The following POLR1D variants were observed in gnomAD, a reference collection of about 807,000 sequenced individuals.
POLR1D encodes RNA polymerase I and III subunit D.
POLR1D carries 8 observed loss-of-function variants against 10.8 expected under a neutral mutation model. The observed-to-expected ratio is 0.74, with a 90% CI of 0.43 to 1.33. The LOEUF is 1.33. Ranked by LOEUF, POLR1D falls within the 40% of genes most tolerant of loss-of-function variation. POLR1D has a pLI of 0.01. For synonymous variants in POLR1D, 54 were observed against 57.2 expected (o/e 0.94, Z 0.25); for missense variants, 152 against 161.7 (o/e 0.94, Z 0.32).
Position 27,663,170 on chromosome 13 carries a change from A to G in POLR1D, c.102-2516A>G, listed in dbSNP as rs1956381214. 6.6e-6 allele frequency among the ~76,000 whole-genome samples: 1 copy of G among 152,188 alleles called. No homozygotes were observed. ...ATTTCTTTATATAAAATGATTTACT[A>G]TATGTACCTTCACATCTGCTTGCAA... On this transcript the variant is annotated intron_variant, in intron 2 of 2. Coordinates refer to the POLR1D transcript ENST00000399697. The surrounding 1 kb of genome is among the most constrained non-coding windows in gnomAD (Gnocchi z 4.1).
exon 3 of POLR1D, chr13:27,666,021 G>A: frequency 1.4e-6 from 2 of 1,422,110 alleles, no homozygotes; most frequent in South Asian, 1.2e-5. Flanking sequence ...TGCGGAGAAG[G>A]CCTGAGCTGG....
downstream of POLR1D, among the ~76,000 whole-genome samples, chr13:27,626,551 A>C (rs1292843928): frequency 6.6e-6 from 1 of 152,204 alleles, no homozygotes; most frequent in Non-Finnish European, 1.5e-5. Flanking sequence ...ACCTGAGGGA[A>C]AGCTGAGTTG....
intron 2 of POLR1D, among the ~76,000 whole-genome samples, chr13:27,652,513 T>G (rs899390091): frequency 6.6e-6 from 1 of 152,180 alleles, no homozygotes; most frequent in Non-Finnish European, 1.5e-5. Flanking sequence ...TAGTCTAATA[T>G]AGTAACAGAC....
At chr13:27,624,493 A>G (rs1054586354), downstream of POLR1D, among the ~76,000 whole-genome samples, 1 of 152,196 alleles carries the variant, frequency 6.6e-6, no homozygotes, top group African/African-American at 2.4e-5. Flanking sequence ...TTAAAGAGAT[A>G]TCCATATTTT....
At chr13:27,656,168 A>G (rs1451675664) in intron 2 of POLR1D, among the ~76,000 whole-genome samples, 2 of 152,230 alleles carry the variant, frequency 1.3e-5, no homozygotes, top group Non-Finnish European at 2.9e-5. Context: ...CAACCATGTC[A>G]TAATAATAGT....
upstream of POLR1D, chr13:27,621,739 C>T: frequency 6.0e-6 from 2 of 331,822 alleles, no homozygotes; most frequent in Non-Finnish European, 1.1e-5. Context: ...GCGTGGTCGC[C>T]CAGGTGAGCC....
intron 2 of POLR1D, among the ~76,000 whole-genome samples, chr13:27,656,560 A>C (rs997596771): frequency 6.6e-6 from 1 of 152,188 alleles, no homozygotes; most frequent in Non-Finnish European, 1.5e-5. Context: ...TTCCTCTTAA[A>C]TAGCACTTAA....
chr13:27,649,577 A>T (rs1444574403), intron 2 of POLR1D, among the ~76,000 whole-genome samples: 2 of 152,232 alleles, frequency 1.3e-5, no homozygotes, highest in African/African-American at 4.8e-5. Flanking sequence ...AAGATTTAAC[A>T]TGAAAATTTT....
chr13:27,665,616 G>A (rs893398624), intron 2 of POLR1D: 81 of 1,415,268 alleles, frequency 5.7e-5, no homozygotes, highest in Non-Finnish European at 7.4e-5. Flanking sequence ...TACTAATCAC[G>A]ATAGTGGGTC....
intron 1 of POLR1D, among the ~76,000 whole-genome samples, chr13:27,646,712 G>A (rs1262727047): frequency 6.6e-6 from 1 of 152,090 alleles, no homozygotes; most frequent in African/African-American, 2.4e-5. Context: ...ATTAAGAGGT[G>A]GTGAAATAGT....
At chr13:27,659,859 T>C (rs1039050105) in intron 2 of POLR1D, among the ~76,000 whole-genome samples, 15 of 152,004 alleles carry the variant, frequency 9.9e-5, no homozygotes, top group Non-Finnish European at 1.5e-5. Context: ...TAGCTTGGTA[T>C]GTATCTTTGC....
At chr13:27,627,740 T>TG (rs1017801259), downstream of POLR1D, among the ~76,000 whole-genome samples, 2 of 126,656 alleles carry the variant, frequency 1.6e-5, no homozygotes, top group African/African-American at 5.4e-5. Flanking sequence ...TTTTTTTTTT[T>TG]TTTTTTTTTT....
chr13:27,656,364 G>A (rs529965320), intron 2 of POLR1D, among the ~76,000 whole-genome samples: 1 of 152,146 alleles, frequency 6.6e-6, no homozygotes, highest in Non-Finnish European at 1.5e-5. Flanking sequence ...CTGTGTATGT[G>A]TATGTGTATA....
At chr13:27,650,373 T>C (rs911417776) in intron 2 of POLR1D, 4 of 265,340 alleles carry the variant, frequency 1.5e-5, no homozygotes, top group African/African-American at 6.6e-5. Context: ...ATAGGTTTGA[T>C]TGATGGATGG....
chr13:27,625,673 TAGAG>T (rs1956001374), downstream of POLR1D, among the ~76,000 whole-genome samples: 1 of 144,542 alleles, frequency 6.9e-6, no homozygotes, highest in African/African-American at 2.6e-5. Context: ...AAAAAAAAAA[TAGAG>T]GGTGACAAAG....
chr13:27,662,027 C>CT (rs1435092887), intron 2 of POLR1D, among the ~76,000 whole-genome samples: 4 of 152,072 alleles, frequency 2.6e-5, no homozygotes. Context: ...AATTTTAACC[C>CT]TTTTTTTGGA....
chr13:27,623,046 A>G lies in POLR1D; in HGVS notation c.198A>G (p.Glu66=). 2 of 1,614,098 alleles carry G rather than the reference A, an allele frequency of 1.2e-6. No individual in the cohort carries two copies. The highest frequency in any genetic ancestry group is 1.7e-6 in the Non-Finnish European group (2 of 1,179,972). ...TGATCATGAAGAACCCGGAAGTGGA[A>G]TTTTGTGGTTACACTACGACCCATC... ...RYMIMKNPEV[E]FCGYTTTHPS... is the part of the protein sequence containing the mutation. Residue 66 remains glutamate, a synonymous_variant, in exon 2 of 2, where the codon GAA becomes GAG. Transcript: ENST00000302979.
chr13:27,622,508 C>T (rs1030013218), intron 1 of POLR1D: 2 of 300,492 alleles, frequency 6.7e-6, no homozygotes, highest in African/African-American at 4.4e-5. Context: ...TATACTAGAG[C>T]AATCGGGATT....
intron 2 of POLR1D, among the ~76,000 whole-genome samples, chr13:27,658,690 G>A (rs1956330645): frequency 6.6e-6 from 1 of 152,160 alleles, no homozygotes; most frequent in South Asian, 2.1e-4. Flanking sequence ...TTCCTTGGAT[G>A]TATTTCAGCA....
Sources: allele counts gnomAD v4.1 joint callset (sites outside exome capture counted in the v4.1 genomes callset), GRCh38; gene constraint gnomAD v4.1.1; non-coding constraint Gnocchi (gnomAD v3.1); transcripts MANE v1.5; gene names NCBI Gene and HGNC (gene_info 2026-07-23, HGNC 2026-07-21).